Variants in LRRC4C observed in about 807,000 individuals in gnomAD.
LRRC4C encodes the protein leucine-rich repeat-containing protein 4C.
A neutral mutation model predicts 33.6 loss-of-function variants in LRRC4C; 5 were observed. That is an observed-to-expected ratio of 0.15 (90% CI 0.08 to 0.31). The LOEUF (loss-of-function observed/expected upper bound fraction) is 0.31, where lower values mean the gene tolerates loss of function less well. Among genes scored for constraint, LRRC4C ranks in the 10% least tolerant of loss-of-function variants. The pLI is 1.00. For synonymous variants in LRRC4C, 329 were observed against 302.0 expected (o/e 1.09, Z -0.93); for missense variants, 560 against 796.7 (o/e 0.70, Z 3.58).
intron 6 of LRRC4C, among the ~76,000 whole-genome samples, chr11:40,123,911 A>G (rs1051157417): frequency 2.0e-5 from 3 of 152,180 alleles, no homozygotes; most frequent in African/African-American, 7.2e-5. Flanking sequence ...ATGGAACATA[A>G]TAGAGAATCC....
chr11:41,421,667 T>C (rs551024417), intron 1 of LRRC4C, among the ~76,000 whole-genome samples: 1 of 152,162 alleles, frequency 6.6e-6, no homozygotes, highest in South Asian at 2.1e-4. Flanking sequence ...CAAGTTTACG[T>C]AGATCAAAAA....
At chr11:40,281,054 A>T (rs1039653880) in intron 4 of LRRC4C, among the ~76,000 whole-genome samples, 1 of 152,160 alleles carries the variant, frequency 6.6e-6, no homozygotes, top group African/African-American at 2.4e-5. Context: ...GCGGATAGGG[A>T]TGGATGCAGA....
intron 1 of LRRC4C, among the ~76,000 whole-genome samples, chr11:41,071,735 T>C (rs1464195722): frequency 6.6e-6 from 1 of 152,226 alleles, no homozygotes; most frequent in Non-Finnish European, 1.5e-5. Flanking sequence ...TGAAAAGCTC[T>C]AGCTACCATA....
chr11:40,218,709 A>ATCTATCTATCTATCTATCTG (rs1344438719), intron 5 of LRRC4C, among the ~76,000 whole-genome samples: 2 of 150,616 alleles, frequency 1.3e-5, no homozygotes, highest in African/African-American at 4.9e-5. Flanking sequence ...CTATCTATCT[A>ATCTATCTATCTATCTATCTG]TCTATCTATC....
chr11:41,162,437 A>G (rs557053348), intron 1 of LRRC4C, among the ~76,000 whole-genome samples: 1 of 152,312 alleles, frequency 6.6e-6, no homozygotes, highest in South Asian at 2.1e-4. Flanking sequence ...GCATCATTTA[A>G]TGACACTGAT....
chr11:40,594,138 C>T (rs1209737461), intron 3 of LRRC4C, among the ~76,000 whole-genome samples: 1 of 152,148 alleles, frequency 6.6e-6, no homozygotes, highest in East Asian at 1.9e-4. Flanking sequence ...CTGATAGTCC[C>T]TTCATCCTTG....
chr11:40,574,930 C>T (rs1014766943), intron 3 of LRRC4C, among the ~76,000 whole-genome samples: 1 of 152,144 alleles, frequency 6.6e-6, no homozygotes, highest in African/African-American at 2.4e-5. Flanking sequence ...TCTCCAGAGT[C>T]CCTGATAGCC....
intron 3 of LRRC4C, among the ~76,000 whole-genome samples, chr11:40,530,025 AGACACTTAAAGTGTGCTTTCT>A (rs1173967236): frequency 6.6e-6 from 1 of 152,116 alleles, no homozygotes; most frequent in African/African-American, 2.4e-5. Flanking sequence ...TTTAAACCAA[AGACACTTAAAGTGTGCTTTCT>A]GACATGCTGA....
chr11:40,890,201 G>T (rs1298930657), intron 2 of LRRC4C, among the ~76,000 whole-genome samples: 2 of 152,098 alleles, frequency 1.3e-5, no homozygotes, highest in African/African-American at 4.8e-5. Context: ...GCTATAACAG[G>T]ATATCACGAA....
intron 3 of LRRC4C, among the ~76,000 whole-genome samples, chr11:40,451,366 CTTTTTTTTTTTTTTTTT>C (rs71060962): frequency 1.7e-4 from 8 of 47,058 alleles, no homozygotes; most frequent in African/African-American, 4.7e-4. Context: ...GAAATAATGA[CTTTTTTTTTTTTTTTTT>C]TTTTTTTTTT....
chr11:41,375,886 T>G (rs7943129), intron 1 of LRRC4C, among the ~76,000 whole-genome samples: 4,714 of 152,028 alleles, frequency 0.031, 227 homozygotes, highest in African/African-American at 0.11. Context: ...TTCATAAATT[T>G]TAGGAATATT....
intron 2 of LRRC4C, among the ~76,000 whole-genome samples, chr11:40,680,551 G>A (rs901618313): frequency 4.6e-5 from 7 of 152,132 alleles, no homozygotes; most frequent in African/African-American, 1.4e-4. Flanking sequence ...TGCTGTTCTC[G>A]TGATACTGAA....
intron 2 of LRRC4C, among the ~76,000 whole-genome samples, chr11:40,694,894 T>C (rs1565643390): frequency 6.6e-6 from 1 of 152,168 alleles, no homozygotes; most frequent in Non-Finnish European, 1.5e-5. Flanking sequence ...ATCATCATCG[T>C]AGCCCCCTTC....
At chr11:40,566,990 G>T (rs1276021133) in intron 3 of LRRC4C, among the ~76,000 whole-genome samples, 1 of 151,980 alleles carries the variant, frequency 6.6e-6, no homozygotes, top group Non-Finnish European at 1.5e-5. Flanking sequence ...ACTTATTATA[G>T]TTCTTTAGAT....
intron 3 of LRRC4C, among the ~76,000 whole-genome samples, chr11:40,605,100 T>A (rs1565551640): frequency 6.6e-6 from 1 of 152,134 alleles, no homozygotes; most frequent in Non-Finnish European, 1.5e-5. Flanking sequence ...CTGGAACTGC[T>A]GAGTATTCCG....
chr11:41,118,497 A>C (rs1325856967), intron 1 of LRRC4C, among the ~76,000 whole-genome samples: 1 of 152,192 alleles, frequency 6.6e-6, no homozygotes, highest in Non-Finnish European at 1.5e-5. Flanking sequence ...TCTTTTACTT[A>C]GGTTTGGTCA....
intron 1 of LRRC4C, among the ~76,000 whole-genome samples, chr11:41,171,481 C>T (rs558258687): frequency 2.0e-5 from 3 of 151,884 alleles, no homozygotes; most frequent in East Asian, 3.9e-4. Flanking sequence ...AACCATCATT[C>T]TCAGAAAGCT....
chr11:41,010,829 T>C (rs1326055205), intron 1 of LRRC4C, among the ~76,000 whole-genome samples: 2 of 152,152 alleles, frequency 1.3e-5, no homozygotes, highest in East Asian at 3.8e-4. Context: ...GTGAACATAT[T>C]GCAAATTCAG....
At chr11:40,179,910 T>C (rs1325851365) in intron 5 of LRRC4C, among the ~76,000 whole-genome samples, 1 of 152,154 alleles carries the variant, frequency 6.6e-6, no homozygotes, top group Non-Finnish European at 1.5e-5. Flanking sequence ...CCCATGTACG[T>C]GTGTGTGTGT....
Sources: allele counts gnomAD v4.1 joint callset (sites outside exome capture counted in the v4.1 genomes callset), GRCh38; gene constraint gnomAD v4.1.1; transcripts MANE v1.5; gene names NCBI Gene and HGNC (gene_info 2026-07-23, HGNC 2026-07-21).